CFAP20DC: variants seen among roughly 807,000 people sequenced by gnomAD.
The protein encoded by CFAP20DC is CFAP20 domain containing.
Under a neutral mutation model 101.7 loss-of-function variants are expected in CFAP20DC, and 84 were observed. That is an observed-to-expected ratio of 0.83 (90% CI 0.69 to 0.99). The LOEUF (loss-of-function observed/expected upper bound fraction) is 0.99, where lower values mean the gene tolerates loss of function less well. CFAP20DC is among the 50% of genes least tolerant of loss of function. The pLI is 0.00. For missense variants in CFAP20DC, 1,007 were observed against 970.3 expected (o/e 1.04, Z -0.50); for synonymous variants, 359 against 351.2 (o/e 1.02, Z -0.25).
intron 15 of CFAP20DC, among the ~76,000 whole-genome samples, chr3:58,805,031 T>A (rs2073959616): frequency 6.6e-6 from 1 of 152,358 alleles, no homozygotes; most frequent in Middle Eastern, 3.4e-3. Context: ...ATAAAAGTCC[T>A]GTAAACCACT....
intron 6 of CFAP20DC, among the ~76,000 whole-genome samples, chr3:58,891,660 T>G (rs2082274798): frequency 6.6e-6 from 1 of 151,886 alleles, no homozygotes; most frequent in Non-Finnish European, 1.5e-5. Context: ...GGTTATTTGT[T>G]TTTTTTTCTT....
chr3:58,830,155 C>T (rs1211641690), intron 14 of CFAP20DC, among the ~76,000 whole-genome samples: 1 of 152,136 alleles, frequency 6.6e-6, no homozygotes, highest in Non-Finnish European at 1.5e-5. Flanking sequence ...GAAAGCACAA[C>T]TGAGGCAAGA....
At chr3:58,783,317 C>T (rs2072011859) in intron 15 of CFAP20DC, among the ~76,000 whole-genome samples, 2 of 151,778 alleles carry the variant, frequency 1.3e-5, no homozygotes, top group South Asian at 2.1e-4. Flanking sequence ...GACCTGAAAA[C>T]ATAAAACTGG....
intron 15 of CFAP20DC, among the ~76,000 whole-genome samples, chr3:58,794,561 T>G (rs575548199): frequency 6.1e-4 from 93 of 152,348 alleles, no homozygotes; most frequent in Middle Eastern, 3.4e-3. Flanking sequence ...TGAAAAATTA[T>G]GTGTTTTAAC....
At chr3:58,811,924 C>T (rs1011609466) in intron 14 of CFAP20DC, among the ~76,000 whole-genome samples, 2 of 152,146 alleles carry the variant, frequency 1.3e-5, no homozygotes, top group African/African-American at 4.8e-5. Context: ...TCAAAAGAGA[C>T]ATTTATGCAG....
chr3:58,949,661 A>AT (rs2089843534), intron 4 of CFAP20DC, among the ~76,000 whole-genome samples: 1 of 152,204 alleles, frequency 6.6e-6, no homozygotes, highest in Admixed American at 6.5e-5. Flanking sequence ...AACCAATGAC[A>AT]AAAACCATAT....
intron 16 of CFAP20DC, among the ~76,000 whole-genome samples, chr3:58,745,722 G>T (rs2068146862): frequency 6.6e-6 from 1 of 152,146 alleles, no homozygotes. Context: ...TAGTAACTCA[G>T]GATGGAAGTA....
chr3:58,862,777 C>T (rs982017088), intron 12 of CFAP20DC: 43 of 978,828 alleles, frequency 4.4e-5, no homozygotes, highest in Middle Eastern at 5.2e-4. Context: ...TAAAGTTGTT[C>T]GTATTCTGCT....
chr3:58,732,016 G>C lies in CFAP20DC; in HGVS notation c.198-14388C>G, dbSNP rs2067655569. Among the ~76,000 whole-genome samples, 1 of 152,154 alleles carries C rather than the reference G, an allele frequency of 6.6e-6. No individual in the cohort carries two copies. The highest frequency in any genetic ancestry group is 1.5e-5 in the Non-Finnish European group (1 of 68,028). Reference sequence around the variant, plus strand: ...GTAAAGTAGATGAACACAGTTGCGAGGATTAAATGAGAAAATATGCACATA... The same window carrying C: ...GTAAAGTAGATGAACACAGTTGCGACGATTAAATGAGAAAATATGCACATA... On this transcript the variant is annotated intron_variant, in intron 3 of 3. Transcript: ENST00000486145. This position sits in a 1 kb window ranked among gnomAD's most constrained non-coding sequence, Gnocchi z 5.4.
intron 6 of CFAP20DC, among the ~76,000 whole-genome samples, chr3:58,893,255 A>G (rs906568095): frequency 6.6e-6 from 1 of 152,126 alleles, no homozygotes; most frequent in Non-Finnish European, 1.5e-5. Context: ...TGTGTTAGCC[A>G]GGATGGTCTC....
At chr3:58,870,887 T>C (rs1298377590) in intron 7 of CFAP20DC, among the ~76,000 whole-genome samples, 2 of 78,990 alleles carry the variant, frequency 2.5e-5, no homozygotes, top group Admixed American at 4.6e-4. Context: ...AGAGCGAGAC[T>C]CCGTCTCAAA....
Position 58,863,305 on chromosome 3 carries a change from GAA to G in CFAP20DC, c.1593+251_1593+252del. The G allele has an allele frequency of 7.1e-7, 1 of 1,409,790 alleles. No homozygotes were observed. Among genetic ancestry groups the G allele is most frequent in the Non-Finnish European group, 9.2e-7 (1 of 1,091,100 alleles). 87.3% of individuals were successfully genotyped at this position (1,409,790 alleles called of 1,614,324 possible). A position where few individuals can be genotyped will look rare whatever the true frequency, so the allele number is the denominator to read the frequency against. ...CATCCTGTGATTCAAAGATTAAAAT[GAA>G]AAAACAGAAAGAAACCCAAAACTGG... On this transcript the variant is annotated intron_variant, in intron 12 of 16. Coordinates refer to ENST00000482387, the MANE Select transcript of CFAP20DC (RefSeq NM_001394063.1). This position sits in a 1 kb window ranked among gnomAD's most constrained non-coding sequence, Gnocchi z 5.9.
In CFAP20DC at chr3:58,728,729, A is replaced by T. The variant is rs1390617883; in HGVS notation, c.198-11101T>A. 6.6e-6 allele frequency among the ~76,000 whole-genome samples: 1 copy of T among 152,226 alleles called. No individual in the cohort carries two copies. Among genetic ancestry groups the T allele is most frequent in the African/African-American group, 2.4e-5 (1 of 41,464 alleles). On this transcript the variant is annotated intron_variant, in intron 3 of 3. Coordinates refer to the CFAP20DC transcript ENST00000486145. This position sits in a 1 kb window ranked among gnomAD's most constrained non-coding sequence, Gnocchi z 4.7. The stretch of plus-strand genomic sequence containing the variant: ...CTACACACCGTATTGGAGAGAACTG[A>T]CATTTTAATAATATTGATTCTTCTC...
At position 58,880,857 on chromosome 3, in the gene CFAP20DC, T is replaced by C. The variant is rs1001670272; in HGVS notation, c.715+3688A>G. On this transcript the variant is annotated intron_variant, in intron 7 of 16. Coordinates refer to ENST00000482387, the MANE Select transcript of CFAP20DC (RefSeq NM_001394063.1). ...AAACGTAAGAGATGACTGAGTTTAT[T>C]GTGAATTTTCACACATTGGAACTAA... is the stretch of plus-strand genomic sequence containing the variant. Among the ~76,000 whole-genome samples the C allele has an allele frequency of 2.0e-5, 3 of 152,178 alleles. No individual in the cohort carries two copies. In the East Asian group the frequency reaches 5.8e-4, roughly 29 times the overall value.
At chr3:58,946,177 C>T (rs1180073151) in intron 4 of CFAP20DC, among the ~76,000 whole-genome samples, 3 of 143,918 alleles carry the variant, frequency 2.1e-5, no homozygotes, top group South Asian at 2.2e-4. Flanking sequence ...AGTGCAGTGA[C>T]GTGATCTCGG....
chr3:59,039,420 A>G, intron 4 of CFAP20DC, 137 bp downstream of exon 4: 1 of 584,134 alleles, frequency 1.7e-6, no homozygotes, highest in Admixed American at 3.7e-5. Context: ...TAGTTTAATT[A>G]CTTGATGTTG....
downstream of CFAP20DC, among the ~76,000 whole-genome samples, chr3:58,716,638 C>T (rs1229533582): frequency 6.6e-6 from 1 of 152,150 alleles, no homozygotes; most frequent in African/African-American, 2.4e-5. Context: ...ACCCTAAAGG[C>T]CTGCACTGCG....
intron 15 of CFAP20DC, among the ~76,000 whole-genome samples, chr3:58,771,541 T>G (rs1575600495): frequency 6.6e-6 from 1 of 152,278 alleles, no homozygotes; most frequent in Non-Finnish European, 1.5e-5. Context: ...TATGCCATAT[T>G]AGCATATTGA....
chr3:59,023,353 A>G (rs944337242), intron 4 of CFAP20DC, among the ~76,000 whole-genome samples: 5 of 152,130 alleles, frequency 3.3e-5, no homozygotes, highest in Admixed American at 3.3e-4. Context: ...CATGTACACA[A>G]TTGTGAGAAC....
Sources: allele counts gnomAD v4.1 joint callset (sites outside exome capture counted in the v4.1 genomes callset), GRCh38; gene constraint gnomAD v4.1.1; non-coding constraint Gnocchi (gnomAD v3.1); transcripts MANE v1.5; gene names NCBI Gene and HGNC (gene_info 2026-07-23, HGNC 2026-07-21).